Variants in TBCD observed in about 807,000 individuals in gnomAD.
TBCD encodes the protein tubulin-specific chaperone D.
Under a neutral mutation model 169.3 loss-of-function variants are expected in TBCD, and 105 were observed. The observed-to-expected ratio is 0.62, with a 90% CI of 0.53 to 0.73. The LOEUF is 0.73. Ranked by LOEUF, TBCD falls within the 30% of genes least tolerant of loss-of-function variation. The probability of loss-of-function intolerance (pLI) is 0.00; values close to 1 mark genes in which losing one functional copy is unlikely to be tolerated. For synonymous variants in TBCD, 700 were observed against 643.9 expected (o/e 1.09, Z -1.32); for missense variants, 1,444 against 1,600.1 (o/e 0.90, Z 1.66).
Position 82,889,819 on chromosome 17 carries a change from C to A in TBCD, c.1563+122C>A. ...GAGATGTGGTGTGGCTACATCAATG[C>A]CAGGGTCATGAGTTCACTATAGGAC... On this transcript the variant is annotated intron_variant, in intron 16 of 38. Transcript: ENST00000355528. This position sits in a 1 kb window ranked among gnomAD's most constrained non-coding sequence, Gnocchi z 5.3. 2 of 1,159,280 alleles carry A rather than the reference C, an allele frequency of 1.7e-6. No homozygotes were observed. Among genetic ancestry groups the A allele is most frequent in the South Asian group, 1.5e-5 (1 of 68,274 alleles). 71.8% of individuals were successfully genotyped at this position (1,159,280 alleles called of 1,614,324 possible).
At chr17:82,807,715 C>T in intron 11 of TBCD, 47 bp downstream of exon 11, 3 of 1,373,964 alleles carry the variant, frequency 2.2e-6, no homozygotes, top group Non-Finnish European at 2.8e-6. Flanking sequence ...GGGCCGGCCT[C>T]TCCTGTGCGA....
chr17:82,847,119 A>G (rs556615433), intron 13 of TBCD, among the ~76,000 whole-genome samples: 1 of 152,292 alleles, frequency 6.6e-6, no homozygotes, highest in East Asian at 1.9e-4. Flanking sequence ...TGGGAGGCCA[A>G]GGTGGGCGGA....
At chr17:82,838,919 C>G in intron 13 of TBCD, 4 of 985,394 alleles carry the variant, frequency 4.1e-6, no homozygotes, top group Non-Finnish European at 4.8e-6. Context: ...TGCTAATGCG[C>G]AGTGAAAATT....
Position 82,927,307 on chromosome 17 carries a change from G to C in TBCD, c.2593G>C (p.Gly865Arg). The C allele has an allele frequency of 6.2e-7, 1 of 1,613,940 alleles. No homozygotes were observed. The highest frequency in any genetic ancestry group is 8.5e-7 in the Non-Finnish European group (1 of 1,179,864). ...GGACGACTACACCACGGACAGCAGA[G>C]GGGACGTGGGCACCTGGTACGTACG... ...CMDDYTTDSR[G>R]DVGTWVRKAA... is the part of the protein sequence containing the mutation. Residue 865 changes from glycine to arginine, a missense_variant, in exon 29 of 39, where the codon GGG becomes CGG. Gly to Arg is a moderately radical substitution (Grantham distance 125). Transcript: ENST00000355528.
At chr17:82,839,664 T>C (rs1358955623) in intron 13 of TBCD, among the ~76,000 whole-genome samples, 1 of 152,226 alleles carries the variant, frequency 6.6e-6, no homozygotes, top group East Asian at 1.9e-4. Flanking sequence ...GTTTAACTTT[T>C]ATGAATTTTA....
At chr17:82,902,387 C>T (rs757042028) in intron 18 of TBCD, among the ~76,000 whole-genome samples, 14 of 152,252 alleles carry the variant, frequency 9.2e-5, no homozygotes, top group Non-Finnish European at 1.6e-4. Flanking sequence ...GAAGAGGCCT[C>T]GGGCTGGGCT....
intron 3 of TBCD, among the ~76,000 whole-genome samples, chr17:82,764,386 T>C (rs767097029): frequency 1.3e-5 from 2 of 152,202 alleles, no homozygotes; most frequent in Non-Finnish European, 2.9e-5. Context: ...GGCTCATGCC[T>C]GTAATCCCAG....
chr17:82,939,421 G>A lies in TBCD; in HGVS notation c.3424G>A (p.Val1142Ile), dbSNP rs757618357. The change falls in exon 37 of 39, where the codon GTC (valine) becomes ATC (isoleucine). Residue 1142 changes from valine to isoleucine, a missense_variant. Val to Ile is a conservative substitution (Grantham distance 29). Coordinates refer to ENST00000355528, the MANE Select transcript of TBCD (RefSeq NM_005993.5). ...CGAGACATTGCTCACCTACAGTGAC[G>A]TCGTGGGCGCGGATGTGCTGGACGA... ...VYETLLTYSD[V>I]VGADVLDEVV... The A allele has an allele frequency of 3.4e-5, 55 of 1,613,508 alleles. No homozygotes were observed. Among genetic ancestry groups the A allele is most frequent in the Middle Eastern group, 1.6e-4 (1 of 6,084 alleles).
chr17:82,905,799 G>C, intron 19 of TBCD, 137 bp from the exon 20 acceptor site: 1 of 558,054 alleles, frequency 1.8e-6, no homozygotes, highest in Non-Finnish European at 3.2e-6. Flanking sequence ...GTGTGGGTGC[G>C]TGTGGGCTTC....
intron 35 of TBCD, chr17:82,937,654 C>A: frequency 1.7e-6 from 1 of 602,884 alleles, no homozygotes; most frequent in Non-Finnish European, 2.9e-6. Flanking sequence ...GGGCTGCCTC[C>A]CCGATTCTCC....
At chr17:82,845,771 C>T (rs1453335778) in intron 13 of TBCD, among the ~76,000 whole-genome samples, 1 of 152,242 alleles carries the variant, frequency 6.6e-6, no homozygotes, top group Non-Finnish European at 1.5e-5. Context: ...CCCTGGGCCT[C>T]GGTCTTCCTG....
At chr17:82,909,915 G>A (rs931861164) in intron 22 of TBCD, among the ~76,000 whole-genome samples, 1 of 152,194 alleles carries the variant, frequency 6.6e-6, no homozygotes, top group African/African-American at 2.4e-5. Context: ...AGATTGCTTT[G>A]CTTTTTCTAG....
At chr17:82,799,568 C>T (rs966124823) in intron 8 of TBCD, among the ~76,000 whole-genome samples, 11 of 152,172 alleles carry the variant, frequency 7.2e-5, no homozygotes, top group East Asian at 1.9e-4. Context: ...GTGCACGCCC[C>T]GTGTCTCTCT....
chr17:82,829,930 A>G lies in TBCD; in HGVS notation c.1318+14996A>G. The G allele has an allele frequency of 3.9e-6, 3 of 766,594 alleles. No homozygotes were observed. The East Asian group carries it at 8.2e-5, about 21-fold the overall frequency. The allele number at this position is 766,594 out of a possible 1,614,324, so 47.5% of individuals were successfully genotyped here. On this transcript the variant is annotated intron_variant, in intron 13 of 38. Coordinates refer to ENST00000355528, the MANE Select transcript of TBCD (RefSeq NM_005993.5). ...CTTAGAGTCATTCAGGTGTTTTTAC[A>G]ACCAAAAGTAGAAGCACCTTTTAAT...
chr17:82,928,527 C>T (rs1437056783), intron 30 of TBCD, among the ~76,000 whole-genome samples: 6 of 151,482 alleles, frequency 4.0e-5, no homozygotes, highest in African/African-American at 1.2e-4. Context: ...CCTGCCCTTG[C>T]GGATCTCTGT....
chr17:82,887,466 G>A (rs901396385), intron 15 of TBCD, among the ~76,000 whole-genome samples: 2 of 152,166 alleles, frequency 1.3e-5, no homozygotes, highest in Admixed American at 6.5e-5. Flanking sequence ...CACCCCGAGC[G>A]TGGTGGGTGG....
chr17:82,779,754 T>A (rs1247793030), intron 6 of TBCD, among the ~76,000 whole-genome samples: 3 of 152,066 alleles, frequency 2.0e-5, no homozygotes, highest in Non-Finnish European at 2.9e-5. Context: ...GGAGTTGAAG[T>A]TGCAGTGGAG....
chr17:82,798,655 A>C (rs1382105574), intron 8 of TBCD, among the ~76,000 whole-genome samples: 1 of 152,228 alleles, frequency 6.6e-6, no homozygotes. Flanking sequence ...AGCCCGTGTC[A>C]TGATCTGAGG....
At chr17:82,907,332 C>T (rs924090129) in intron 20 of TBCD, among the ~76,000 whole-genome samples, 7 of 152,174 alleles carry the variant, frequency 4.6e-5, no homozygotes, top group Non-Finnish European at 1.0e-4. Context: ...GCAGGGGTCA[C>T]AGCTTTAAGG....
Sources: gnomAD v4.1 joint callset for allele counts (sites outside exome capture counted in the v4.1 genomes callset) on GRCh38, gnomAD v4.1.1 for gene constraint, Gnocchi (gnomAD v3.1) non-coding constraint, MANE v1.5 for transcripts, NCBI Gene and HGNC (gene_info 2026-07-23, HGNC 2026-07-21) for gene names.